Variants in RIPOR2 observed in about 807,000 individuals in gnomAD.
The protein encoded by RIPOR2 is RHO family interacting cell polarization regulator 2, also known as rho family-interacting cell polarization regulator 2.
RIPOR2 carries 39 observed loss-of-function variants against 114.5 expected under a neutral mutation model. That is an observed-to-expected ratio of 0.34 (90% confidence interval 0.26 to 0.44). RIPOR2 has a LOEUF of 0.44. Among genes scored for constraint, RIPOR2 ranks in the 20% least tolerant of loss-of-function variants. RIPOR2 has a pLI of 1.00. For synonymous variants in RIPOR2, 445 were observed against 484.4 expected (o/e 0.92, Z 1.07); for missense variants, 1,007 against 1,255.1 (o/e 0.80, Z 2.99).
intron 6 of RIPOR2, among the ~76,000 whole-genome samples, chr6:24,866,757 A>G (rs539243635): frequency 5.9e-5 from 9 of 152,210 alleles, no homozygotes; most frequent in Non-Finnish European, 1.2e-4. Flanking sequence ...GCGGATAACA[A>G]ACAACAATAC....
At chr6:25,024,226 G>A (rs1271898234) in intron 1 of RIPOR2, 5 of 1,518,612 alleles carry the variant, frequency 3.3e-6, no homozygotes, top group Admixed American at 1.7e-5. Context: ...AGGAGGTAGC[G>A]GTCCTCATAC....
At chr6:24,852,181 G>T (rs938376966) in intron 9 of RIPOR2, among the ~76,000 whole-genome samples, 12 of 152,144 alleles carry the variant, frequency 7.9e-5, no homozygotes, top group Non-Finnish European at 1.8e-4. Flanking sequence ...AGAATCGCTT[G>T]AATCCAGGTG....
intron 12 of RIPOR2, among the ~76,000 whole-genome samples, chr6:24,844,940 GC>G (rs1274609672): frequency 3.3e-5 from 5 of 152,042 alleles, no homozygotes; most frequent in African/African-American, 4.8e-5. Context: ...GCAGTGAAGA[GC>G]AGAAGGGAAG....
At chr6:24,870,824 A>AT in intron 5 of RIPOR2, 42 bp downstream of exon 5, 3 of 1,547,680 alleles carry the variant, frequency 1.9e-6, no homozygotes, top group Non-Finnish European at 2.7e-6. Flanking sequence ...AGGATGCAGA[A>AT]TTTTTTTCTT....
chr6:24,954,517 G>A (rs1406794611), intron 1 of RIPOR2, among the ~76,000 whole-genome samples: 11 of 145,204 alleles, frequency 7.6e-5, no homozygotes, highest in Non-Finnish European at 1.6e-4. Flanking sequence ...ATGCAGTGGT[G>A]TTATCATGGC....
At chr6:24,911,238 G>C (rs1332572924) in intron 1 of RIPOR2, 2 of 152,292 alleles carry the variant, frequency 1.3e-5, no homozygotes, top group African/African-American at 4.8e-5. Flanking sequence ...AGGAGGCTGC[G>C]CTTCGGTGCC....
At chr6:24,846,835 T>G (rs1762344696) in intron 12 of RIPOR2, among the ~76,000 whole-genome samples, 1 of 152,226 alleles carries the variant, frequency 6.6e-6, no homozygotes, top group South Asian at 2.1e-4. Flanking sequence ...AAGGATATCT[T>G]TTTATCGAAG....
intron 14 of RIPOR2, 41 bp from the exon 15 acceptor site, chr6:24,835,912 G>A: frequency 6.5e-7 from 1 of 1,544,320 alleles, no homozygotes; most frequent in Non-Finnish European, 8.8e-7. Flanking sequence ...CTTTTTCTGT[G>A]CACAAACCAC....
At chr6:24,824,049 G>A (rs766018397) in intron 19 of RIPOR2, among the ~76,000 whole-genome samples, 4 of 152,156 alleles carry the variant, frequency 2.6e-5, no homozygotes, top group Admixed American at 6.6e-5. Context: ...GAGCCACCGC[G>A]CCTGGGCCCC....
chr6:24,971,335 A>G (rs900840085), intron 1 of RIPOR2, among the ~76,000 whole-genome samples: 2 of 152,226 alleles, frequency 1.3e-5, no homozygotes, highest in Non-Finnish European at 2.9e-5. Context: ...AGTCATTGAC[A>G]AGCACTTTTA....
chr6:24,836,130 T>C, intron 14 of RIPOR2: 1 of 448,982 alleles, frequency 2.2e-6, no homozygotes, highest in Admixed American at 3.4e-5. Context: ...ACTTATGAAG[T>C]AGTTTCACCC....
In RIPOR2 at chr6:24,830,523, C is replaced by T. The variant is rs1372550681; in HGVS notation, c.2492G>A (p.Gly831Glu). The change falls in exon 17 of 22, where the codon GGA becomes GAA. Residue 831 changes from glycine (G) to glutamate (E), a missense_variant. Coordinates refer to ENST00000643898, the MANE Select transcript of RIPOR2 (RefSeq NM_001286445.3). ...CTGCCTCATACCTGGGTCTGCAAGT[C>T]CTGGATATTCTTTGTTGACAGTTCT... ...FARTVNKEYP[G>E]LADPVFRTLV... The T allele has an allele frequency of 5.8e-6, 9 of 1,549,494 alleles. No individual in the cohort carries two copies. The highest frequency in any genetic ancestry group is 7.9e-6 in the Non-Finnish European group (9 of 1,146,358).
intron 1 of RIPOR2, among the ~76,000 whole-genome samples, chr6:24,969,855 C>T (rs1049208159): frequency 9.2e-5 from 14 of 152,182 alleles, no homozygotes; most frequent in Non-Finnish European, 1.9e-4. Flanking sequence ...ACCTTGTTGA[C>T]ATTTCAGTCT....
chr6:24,864,067 A>AGAGGC (rs1374104862), intron 7 of RIPOR2, among the ~76,000 whole-genome samples: 1 of 152,196 alleles, frequency 6.6e-6, no homozygotes, highest in Non-Finnish European at 1.5e-5. Flanking sequence ...TTTGGGAGGC[A>AGAGGC]GAGGCGAGTG....
intron 1 of RIPOR2, among the ~76,000 whole-genome samples, chr6:25,000,037 C>CCTTTTG (rs1775229497): frequency 6.6e-6 from 1 of 152,178 alleles, no homozygotes; most frequent in Non-Finnish European, 1.5e-5. Context: ...TTCCTTGCCA[C>CCTTTTG]CCTTCATCTT....
Position 24,830,565 on chromosome 6 carries a change from A to C in RIPOR2, c.2450T>G (p.Leu817Arg). The change falls in exon 17 of 22, where the codon CTG (leucine) becomes CGG (arginine). Residue 817 changes from leucine (L) to arginine (R), a missense_variant. Coordinates refer to ENST00000643898, the MANE Select transcript of RIPOR2 (RefSeq NM_001286445.3). ...HSPADRVMKQLEASFARTVNK... is the reference protein window; with the variant it reads ...HSPADRVMKQREASFARTVNK... ...GACAGTTCTGGCAAAGCTGGCCTCC[A>C]GCTGCTTCATCACTCTGTCCGCTGG... 1 of 1,551,444 alleles carries C rather than the reference A, an allele frequency of 6.4e-7. No homozygotes were observed. Among genetic ancestry groups the C allele is most frequent in the Non-Finnish European group, 8.7e-7 (1 of 1,146,986 alleles).
At chr6:24,975,531 T>C (rs190105544) in intron 1 of RIPOR2, among the ~76,000 whole-genome samples, 304 of 152,266 alleles carry the variant, frequency 2.0e-3, no homozygotes, top group African/African-American at 6.5e-3. Context: ...TAATAATGTA[T>C]TGTTAGCCAG....
At chr6:24,873,092 A>G in intron 3 of RIPOR2, 133 bp from the exon 4 acceptor site, 1 of 620,496 alleles carries the variant, frequency 1.6e-6, no homozygotes, top group Non-Finnish European at 2.8e-6. Flanking sequence ...GAGGCTTTGT[A>G]TTTTCCCAGT....
intron 1 of RIPOR2, among the ~76,000 whole-genome samples, chr6:25,039,661 T>G (rs1777385996): frequency 6.6e-6 from 1 of 152,212 alleles, no homozygotes; most frequent in South Asian, 2.1e-4. Flanking sequence ...CCATCCATAC[T>G]AGTGAAACCA....
Sources: gnomAD v4.1 joint callset for allele counts (sites outside exome capture counted in the v4.1 genomes callset) on GRCh38, gnomAD v4.1.1 for gene constraint, MANE v1.5 for transcripts, NCBI Gene and HGNC (gene_info 2026-07-23, HGNC 2026-07-21) for gene names.